Variants in RNLS observed in about 807,000 individuals in gnomAD.
RNLS encodes renalase.
A neutral mutation model predicts 39.8 loss-of-function variants in RNLS; 39 were observed. The ratio of observed to expected loss-of-function variants is 0.98; its 90% confidence interval spans 0.76 to 1.28. The LOEUF (loss-of-function observed/expected upper bound fraction) is 1.28. RNLS is among the 50% of genes most tolerant of loss of function. RNLS has a pLI of 0.00. For missense variants in RNLS, 410 were observed against 413.3 expected (o/e 0.99, Z 0.07); for synonymous variants, 147 against 150.7 (o/e 0.98, Z 0.18).
intron 4 of RNLS, among the ~76,000 whole-genome samples, chr10:88,537,383 T>C (rs978661770): frequency 1.3e-5 from 2 of 152,176 alleles, no homozygotes; most frequent in African/African-American, 4.8e-5. Flanking sequence ...ACACAAATTG[T>C]TCAACATGAG....
Position 88,288,666 on chromosome 10 carries a change from T to C in RNLS, c.877-3160A>G, listed in dbSNP as rs141798618. Among the ~76,000 whole-genome samples, 732 of 152,246 alleles carry C rather than the reference T, an allele frequency of 4.8e-3. 3 individuals carry two copies. The highest frequency in any genetic ancestry group is 0.034 in the South Asian group (163 of 4,832). ...AAGGTTTTGCCCAGTCATGAGGTGG[T>C]AATTTATTGGTGCTGTGTAATTTAA... is the stretch of plus-strand genomic sequence containing the variant. On this transcript the variant is annotated intron_variant, in intron 6 of 6. Transcript: ENST00000331772.
intron 4 of RNLS, among the ~76,000 whole-genome samples, chr10:88,382,175 T>G (rs1312259166): frequency 6.6e-6 from 1 of 152,118 alleles, no homozygotes; most frequent in Non-Finnish European, 1.5e-5. Context: ...GACATCTTAT[T>G]TTTTAAACTG....
At chr10:88,517,034 T>G (rs1366647299) in intron 4 of RNLS, among the ~76,000 whole-genome samples, 2 of 152,008 alleles carry the variant, frequency 1.3e-5, no homozygotes, top group Non-Finnish European at 2.9e-5. Context: ...CTATCTATAT[T>G]ATGATAGCTA....
chr10:88,474,436 A>T (rs914531784), intron 4 of RNLS, among the ~76,000 whole-genome samples: 14 of 152,202 alleles, frequency 9.2e-5, no homozygotes, highest in Admixed American at 3.9e-4. Context: ...TAGCAATTAA[A>T]TGCTAGCAGC....
chr10:88,230,508 C>T, the RNLS span, among the ~76,000 whole-genome samples: 1 of 152,102 alleles, frequency 6.6e-6, no homozygotes, highest in South Asian at 2.1e-4. Context: ...GCCTTCTTCC[C>T]CCTCCAATGC....
chr10:88,218,036 G>A, the RNLS span, among the ~76,000 whole-genome samples: 2 of 151,854 alleles, frequency 1.3e-5, no homozygotes, highest in African/African-American at 2.4e-5. Context: ...GCAAAACCTC[G>A]TCTCAAAAAG....
intron 6 of RNLS, among the ~76,000 whole-genome samples, chr10:88,292,769 C>T (rs1394955468): frequency 1.3e-5 from 2 of 151,936 alleles, no homozygotes; most frequent in East Asian, 1.9e-4. Context: ...TTCGGCCAAG[C>T]GTGGTGGCTC....
In RNLS at chr10:88,583,289, T is replaced by C; in HGVS notation, c.-99A>G. ...CCGAACCGGCGCTAGCGCTCTTTGG[T>C]TCCGTGCTCCCTGGGCCGACCTGGG... On this transcript the variant is annotated 5_prime_UTR_variant, in exon 1 of 7. Transcript: ENST00000331772. The C allele has an allele frequency of 7.1e-6, 11 of 1,540,402 alleles. No homozygotes were observed. Among genetic ancestry groups the C allele is most frequent in the Non-Finnish European group, 9.6e-6 (11 of 1,150,606 alleles).
chr10:88,460,732 T>G (rs573300438), intron 4 of RNLS, among the ~76,000 whole-genome samples: 27 of 152,298 alleles, frequency 1.8e-4, no homozygotes, highest in Non-Finnish European at 3.5e-4. Flanking sequence ...ACTAAATAAA[T>G]GAAAGTTCCC....
the RNLS span, among the ~76,000 whole-genome samples, chr10:88,219,612 T>C: frequency 6.6e-6 from 1 of 152,178 alleles, no homozygotes; most frequent in Admixed American, 6.5e-5. Context: ...CTTAGTCATA[T>C]GGTTGCTTTA....
chr10:88,252,583 C>T, the RNLS span, among the ~76,000 whole-genome samples: 2 of 152,224 alleles, frequency 1.3e-5, no homozygotes, highest in Non-Finnish European at 2.9e-5. Flanking sequence ...GCAGTACTAT[C>T]CTCTGCTGCA....
intron 4 of RNLS, among the ~76,000 whole-genome samples, chr10:88,551,956 G>T (rs1264670381): frequency 6.6e-6 from 1 of 152,202 alleles, no homozygotes; most frequent in African/African-American, 2.4e-5. Flanking sequence ...GCAAGGGAAT[G>T]AAAACGAACT....
At chr10:88,536,429 A>G (rs1435722960) in intron 4 of RNLS, among the ~76,000 whole-genome samples, 1 of 152,188 alleles carries the variant, frequency 6.6e-6, no homozygotes, top group Non-Finnish European at 1.5e-5. Flanking sequence ...CCACCAATCT[A>G]TTCTCCACAT....
chr10:88,390,485 A>G (rs987839328), intron 4 of RNLS, among the ~76,000 whole-genome samples: 1 of 152,220 alleles, frequency 6.6e-6, no homozygotes, highest in Admixed American at 6.5e-5. Context: ...TTCAGTACTC[A>G]AACTTCCTGA....
intron 5 of RNLS, among the ~76,000 whole-genome samples, chr10:88,346,398 T>A (rs745854781): frequency 2.0e-5 from 3 of 152,164 alleles, no homozygotes; most frequent in Non-Finnish European, 1.5e-5. Context: ...AGTCAAGTAT[T>A]CCCAGTGTTC....
the RNLS span, among the ~76,000 whole-genome samples, chr10:88,176,044 C>G: frequency 4.3e-4 from 66 of 152,122 alleles, no homozygotes; most frequent in Non-Finnish European, 6.6e-4. Context: ...CTTTTGGTTT[C>G]TGTTTGTGTG....
chr10:88,188,631 A>C, the RNLS span, among the ~76,000 whole-genome samples: 1 of 152,230 alleles, frequency 6.6e-6, no homozygotes, highest in Non-Finnish European at 1.5e-5. Flanking sequence ...CCACATAATT[A>C]CTGTATAAAC....
chr10:88,185,857 C>T, the RNLS span, among the ~76,000 whole-genome samples: 1 of 152,144 alleles, frequency 6.6e-6, no homozygotes, highest in Non-Finnish European at 1.5e-5. Flanking sequence ...AAAACTGCAT[C>T]AAATGCATTA....
At chr10:88,514,339 T>C (rs1040993298) in intron 4 of RNLS, among the ~76,000 whole-genome samples, 2 of 152,026 alleles carry the variant, frequency 1.3e-5, no homozygotes, top group African/African-American at 4.8e-5. Context: ...ACCCCCATGA[T>C]CCAATCACCT....
Sources: gnomAD v4.1 joint callset for allele counts (sites outside exome capture counted in the v4.1 genomes callset) on GRCh38, gnomAD v4.1.1 for gene constraint, MANE v1.5 for transcripts, NCBI Gene and HGNC (gene_info 2026-07-23, HGNC 2026-07-21) for gene names.